Variants in PRTFDC1 observed in about 807,000 individuals in gnomAD.
PRTFDC1 encodes phosphoribosyl transferase domain containing 1.
In PRTFDC1, 38 loss-of-function variants were observed where a neutral mutation model predicts 34.6. The observed-to-expected ratio is 1.10, with a 90% CI of 0.85 to 1.44. PRTFDC1 has a LOEUF of 1.44. PRTFDC1 is among the 40% of genes most tolerant of loss of function. The pLI is 0.00. For missense variants in PRTFDC1, 270 were observed against 283.0 expected, an observed-to-expected ratio of 0.95 and a Z score of 0.33; for synonymous variants, 93 against 98.1, an observed-to-expected ratio of 0.95 and a Z score of 0.31.
At chr10:24,934,257 A>AAGAAGAAGAAGAAGAAGG (rs1849016489) in intron 3 of PRTFDC1, among the ~76,000 whole-genome samples, 2 of 149,076 alleles carry the variant, frequency 1.3e-5, no homozygotes, top group Admixed American at 6.6e-5. Context: ...GGAGAAGAAG[A>AAGAAGAAGAAGAAGAAGG]AGAAGAAGAA....
intron 7 of PRTFDC1, among the ~76,000 whole-genome samples, chr10:24,854,183 T>C (rs753800355): frequency 1.3e-5 from 2 of 152,222 alleles, no homozygotes; most frequent in Non-Finnish European, 2.9e-5. Flanking sequence ...GTCATTGAAG[T>C]GAATGTTTTT....
rs139435022 is a variant in PRTFDC1 at position 24,856,903 on chromosome 10, T to C, written c.506+10A>G. The C allele has an allele frequency of 3.3e-5, 52 of 1,598,726 alleles. No homozygotes were observed. The highest frequency in any genetic ancestry group is 2.5e-4 in the Admixed American group (15 of 59,998). On this transcript the variant is annotated intron_variant, in intron 6 of 8. Transcript: ENST00000320152. ...ACTAGAAATCACCATGCTATGAATG[T>C]CCAACTCACCTGGCTACCTTAATCA...
At chr10:24,944,980 C>T (rs941402062) in intron 1 of PRTFDC1, among the ~76,000 whole-genome samples, 5 of 152,088 alleles carry the variant, frequency 3.3e-5, no homozygotes, top group Non-Finnish European at 7.4e-5. Flanking sequence ...TCAAGTCCTC[C>T]GATCTGCCAA....
intron 3 of PRTFDC1, among the ~76,000 whole-genome samples, chr10:24,914,708 G>A (rs1482998714): frequency 6.6e-6 from 1 of 152,166 alleles, no homozygotes; most frequent in African/African-American, 2.4e-5. Context: ...CCAAGGTCTA[G>A]GCCATAATAA....
chr10:24,875,280 T>C (rs1482044500), intron 3 of PRTFDC1, among the ~76,000 whole-genome samples: 4 of 152,212 alleles, frequency 2.6e-5, no homozygotes, highest in African/African-American at 9.6e-5. Context: ...TTAAATCCTC[T>C]TTTAGCTGTT....
intron 3 of PRTFDC1, among the ~76,000 whole-genome samples, chr10:24,926,231 C>T (rs1162133827): frequency 2.0e-5 from 3 of 152,182 alleles, no homozygotes; most frequent in Non-Finnish European, 4.4e-5. Context: ...CTTGCAAGGG[C>T]TTAATAAGCT....
At chr10:24,905,261 C>T (rs116633470) in intron 3 of PRTFDC1, among the ~76,000 whole-genome samples, 3,992 of 150,386 alleles carry the variant, frequency 0.027, 93 homozygotes, top group African/African-American at 0.056. Flanking sequence ...TACAGTGAGT[C>T]GAGACCATGC....
At chr10:24,872,820 T>TC in intron 3 of PRTFDC1, among the ~76,000 whole-genome samples, 1 of 137,444 alleles carries the variant, frequency 7.3e-6, no homozygotes, top group African/African-American at 2.8e-5. Flanking sequence ...TTTTTTTTTT[T>TC]TTTTTTTGAG....
At chr10:24,864,703 G>A (rs1192240665) in intron 4 of PRTFDC1, among the ~76,000 whole-genome samples, 2 of 152,202 alleles carry the variant, frequency 1.3e-5, no homozygotes, top group Non-Finnish European at 2.9e-5. Context: ...AAAAATTTGT[G>A]TGGCTCTCTT....
At chr10:24,938,315 C>A (rs544981810) in intron 2 of PRTFDC1, among the ~76,000 whole-genome samples, 1 of 152,100 alleles carries the variant, frequency 6.6e-6, no homozygotes, top group South Asian at 2.1e-4. Context: ...TAAAACTGGG[C>A]AAAACTGCCA....
rs1396937591 is a variant in PRTFDC1, at chr10:24,952,402, CCG to C, written c.48+124_48+125del. ...GGTCCGAGGATGGAAGCGATCCCCG[CCG>C]GGAGGGAGAACAAAGCGGTGGCCCT... On this transcript the variant is annotated intron_variant, in intron 1 of 8. Coordinates refer to ENST00000320152, the MANE Select transcript of PRTFDC1 (RefSeq NM_020200.7). The surrounding 1 kb of genome is among the most constrained non-coding windows in gnomAD (Gnocchi z 5.1). 4.4e-6 allele frequency: 5 copies of C among 1,140,620 alleles called. No homozygotes were observed. The African/African-American group carries it at 7.7e-5, about 18-fold the overall frequency. The allele number at this position is 1,140,620 out of a possible 1,614,324, so 70.7% of individuals were successfully genotyped here. A position where few individuals can be genotyped will look rare whatever the true frequency, so the allele number is the denominator to read the frequency against.
intron 4 of PRTFDC1, among the ~76,000 whole-genome samples, chr10:24,866,858 CA>C (rs1327834200): frequency 1.6e-5 from 2 of 126,350 alleles, no homozygotes; most frequent in Non-Finnish European, 3.4e-5. Flanking sequence ...TTAAAAAAAG[CA>C]AAAAAATACA....
chr10:24,851,609 G>T (rs145867398), intron 7 of PRTFDC1, 145 bp from the exon 8 acceptor site: 77 of 1,348,058 alleles, frequency 5.7e-5, no homozygotes, highest in Non-Finnish European at 7.2e-5. Context: ...AAATGCACAC[G>T]ATGAGCCCAA....
chr10:24,859,276 T>C (rs1473320417), intron 4 of PRTFDC1, among the ~76,000 whole-genome samples: 1 of 152,208 alleles, frequency 6.6e-6, no homozygotes, highest in Non-Finnish European at 1.5e-5. Context: ...TAATTTTTTT[T>C]TGAGACAGGG....
At chr10:24,934,251 A>AAGAAGG (rs1554765932) in intron 3 of PRTFDC1, among the ~76,000 whole-genome samples, 31 of 27,596 alleles carry the variant, frequency 1.1e-3, no homozygotes, top group African/African-American at 9.3e-3. Context: ...GAAGAAGGAG[A>AAGAAGG]AGAAGAAGAA....
At chr10:24,887,249 C>A (rs113589846) in intron 3 of PRTFDC1, among the ~76,000 whole-genome samples, 3 of 152,032 alleles carry the variant, frequency 2.0e-5, no homozygotes, top group Non-Finnish European at 4.4e-5. Flanking sequence ...GGATTACAGG[C>A]GTGAGCCACC....
chr10:24,849,735 A>T lies in PRTFDC1; in HGVS notation c.*109T>A. ...TCTCATTTGAACATTTTTTTCTTTTATATCCTGCTGAGTGAAGATGCCTGG... is the reference window on the plus strand; with the variant it reads ...TCTCATTTGAACATTTTTTTCTTTTTTATCCTGCTGAGTGAAGATGCCTGG... On this transcript the variant is annotated 3_prime_UTR_variant, in exon 9 of 9. Transcript: ENST00000320152. The T allele has an allele frequency of 1.9e-5, 19 of 986,308 alleles. No individual in the cohort carries two copies. The highest frequency in any genetic ancestry group is 1.3e-4 in the Admixed American group (6 of 47,094). The allele number at this position is 986,308 out of a possible 1,614,324, so 61.1% of individuals were successfully genotyped here.
intron 8 of PRTFDC1, among the ~76,000 whole-genome samples, chr10:24,850,677 G>A (rs1847470573): frequency 6.6e-6 from 1 of 152,032 alleles, no homozygotes; most frequent in South Asian, 2.1e-4. Context: ...TGGAATACTG[G>A]GGTAGCTCTC....
At chr10:24,893,943 A>C (rs1372359469) in intron 3 of PRTFDC1, among the ~76,000 whole-genome samples, 1 of 152,188 alleles carries the variant, frequency 6.6e-6, no homozygotes, top group Non-Finnish European at 1.5e-5. Flanking sequence ...TCACCTCATG[A>C]CGTCTATTGG....
Sources: allele counts gnomAD v4.1 joint callset (sites outside exome capture counted in the v4.1 genomes callset), GRCh38; gene constraint gnomAD v4.1.1; non-coding constraint Gnocchi (gnomAD v3.1); transcripts MANE v1.5; gene names NCBI Gene and HGNC (gene_info 2026-07-23, HGNC 2026-07-21).